Variants in EPOR observed in about 807,000 individuals in gnomAD.
EPOR encodes the protein erythropoietin receptor.
A neutral mutation model predicts 34.3 loss-of-function variants in EPOR; 20 were observed. The observed-to-expected ratio is 0.58, with a 90% confidence interval of 0.41 to 0.85. The LOEUF is 0.85. Ranked by LOEUF, EPOR falls within the 40% of genes least tolerant of loss-of-function variation. EPOR has a pLI of 0.00. For synonymous variants in EPOR, 312 were observed against 299.0 expected, an observed-to-expected ratio of 1.04 and a Z score of -0.45; for missense variants, 601 against 672.7, an observed-to-expected ratio of 0.89 and a Z score of 1.18.
At chr19:11,380,663 C>T (rs1166577172) in intron 6 of EPOR, among the ~76,000 whole-genome samples, 1 of 152,136 alleles carries the variant, frequency 6.6e-6, no homozygotes, top group African/African-American at 2.4e-5. Flanking sequence ...AATGGCAGCC[C>T]CTGATGTAGA....
chr19:11,380,012 C>T (rs1599417847), intron 6 of EPOR, among the ~76,000 whole-genome samples: 2 of 152,228 alleles, frequency 1.3e-5, no homozygotes, highest in Non-Finnish European at 2.9e-5. Context: ...TGCCATGTGG[C>T]AATTCTTGAA....
Position 11,381,341 on chromosome 19 carries a change from T to A in EPOR, c.586-132A>T. ...AGAATTGCAATGGGACCAATAAGAG[T>A]AGGGGGAGGAGCCCAAGAAAGCTCA... On this transcript the variant is annotated intron_variant, in intron 4 of 7. Coordinates refer to ENST00000222139, the MANE Select transcript of EPOR (RefSeq NM_000121.4). This position sits in a 1 kb window ranked among gnomAD's most constrained non-coding sequence, Gnocchi z 5.3. The A allele has an allele frequency of 1.0e-6, 1 of 990,486 alleles. No individual in the cohort carries two copies. Among genetic ancestry groups the A allele is most frequent in the Non-Finnish European group, 1.5e-6 (1 of 657,438 alleles). 61.4% of individuals were successfully genotyped at this position (990,486 alleles called of 1,614,324 possible). A position where few individuals can be genotyped will look rare whatever the true frequency, so the allele number is the denominator to read the frequency against.
In EPOR at chr19:11,383,229, G is replaced by A. The variant is rs780705663; in HGVS notation, c.119C>T (p.Ala40Val). 41 of 1,596,488 alleles carry A rather than the reference G, an allele frequency of 2.6e-5. No individual in the cohort carries two copies. Among genetic ancestry groups the A allele is most frequent in the Non-Finnish European group, 3.3e-5 (39 of 1,172,958 alleles). Residue 40 changes from alanine (A) to valine (V), a missense_variant, in exon 2 of 8, where the codon GCC becomes GTC. By Grantham distance (64) the Ala-to-Val change is moderately conservative. Transcript: ENST00000222139. This position sits in a 1 kb window ranked among gnomAD's most constrained non-coding sequence, Gnocchi z 4.9. ...TTCGGGCCCCCGGGCCGCCAGCAAG[G>A]CCGCTGGGGAGGGGCGACAAAGGAA... ...LPDPKFESKAALLAARGPEEL... is the reference protein window; with the variant it reads ...LPDPKFESKAVLLAARGPEEL...
chr19:11,377,935 C>T lies in EPOR; in HGVS notation c.*49G>A, dbSNP rs1167138077. 1.2e-6 allele frequency: 2 copies of T among 1,611,988 alleles called. No individual in the cohort carries two copies. Among genetic ancestry groups the T allele is most frequent in the Admixed American group, 3.3e-5 (2 of 60,016 alleles). ...CTGTTCCATAAGTCTTGAGTCTGCA[C>T]TGGTTCTCTGAGTCATATTGGATCC... is the stretch of plus-strand genomic sequence containing the variant. On this transcript the variant is annotated 3_prime_UTR_variant, in exon 8 of 8. Transcript: ENST00000222139.
In EPOR at chr19:11,381,963, G is replaced by C; in HGVS notation, c.394C>G (p.Arg132Gly). ...LRVTAASGAP[R>G]YHRVIHINEV... The stretch of plus-strand genomic sequence containing the variant: ...TTGATGTGGATGACACGGTGATATC[G>C]CGGAGCGCCGGAGGCTGCTGTGACG... Residue 132 changes from arginine (R) to glycine (G), a missense_variant, in exon 3 of 8, where the codon CGA becomes GGA. By Grantham distance (125) the Arg-to-Gly change is moderately radical. Coordinates refer to ENST00000222139, the MANE Select transcript of EPOR (RefSeq NM_000121.4). This position sits in a 1 kb window ranked among gnomAD's most constrained non-coding sequence, Gnocchi z 5.3. 1 of 1,614,220 alleles carries C rather than the reference G, an allele frequency of 6.2e-7. No homozygotes were observed. The highest frequency in any genetic ancestry group is 1.1e-5 in the South Asian group (1 of 91,086).
chr19:11,384,036 G>A (rs1340704444), intron 1 of EPOR, 57 bp downstream of exon 1: 2 of 1,190,106 alleles, frequency 1.7e-6, no homozygotes, highest in Non-Finnish European at 1.2e-6. Context: ...GGGAGTTCAG[G>A]CCCCAGCATG....
At position 11,383,029 on chromosome 19, in the gene EPOR, C is replaced by A. The variant is rs779647523; in HGVS notation, c.251+68G>T. 1.9e-6 allele frequency: 3 copies of A among 1,609,010 alleles called. No individual in the cohort carries two copies. Among genetic ancestry groups the A allele is most frequent in the African/African-American group, 1.3e-5 (1 of 74,900 alleles). On this transcript the variant is annotated intron_variant, in intron 2 of 7. Transcript: ENST00000222139. This position sits in a 1 kb window ranked among gnomAD's most constrained non-coding sequence, Gnocchi z 4.9. ...AAACAGCAGGGGACATACGAGGCTA[C>A]GACCTCCAGGGAGCTCTGCCCCACC...
intron 6 of EPOR, 75 bp downstream of exon 6, chr19:11,380,809 A>T (rs554358189): frequency 1.4e-4 from 168 of 1,229,522 alleles, no homozygotes; most frequent in Non-Finnish European, 1.8e-4. Context: ...TCTCTCTCTG[A>T]GCCTAGGTTT....
Position 11,377,265 on chromosome 19 carries a change from C to A in EPOR, c.*719G>T. On this transcript the variant is annotated 3_prime_UTR_variant, in exon 8 of 8. Transcript: ENST00000222139. ...CAGAGACTAGCTAGTGGCCCTTAAA[C>A]AGCTTTGCCCTTCCTGGGTGTACAG... 2.2e-6 allele frequency: 1 copy of A among 454,102 alleles called. No individual in the cohort carries two copies. The highest frequency in any genetic ancestry group is 4.4e-6 in the Non-Finnish European group (1 of 226,794). 28.1% of individuals were successfully genotyped at this position (454,102 alleles called of 1,614,324 possible).
chr19:11,384,250 C>T lies in EPOR; in HGVS notation c.-43G>A, dbSNP rs748327469. 66 of 1,304,424 alleles carry T rather than the reference C, an allele frequency of 5.1e-5. No individual in the cohort carries two copies. The African/African-American group carries it at 7.2e-4, about 14-fold the overall frequency. The allele number at this position is 1,304,424 out of a possible 1,614,324, so 80.8% of individuals were successfully genotyped here. A position where few individuals can be genotyped will look rare whatever the true frequency, so the allele number is the denominator to read the frequency against. Reference sequence around the variant, plus strand: ...GGGGAGCCCAGGGCTCCTGCCCCTCCGTCCCCCGCCCCCGGCACAGTCCAC... The same window carrying T: ...GGGGAGCCCAGGGCTCCTGCCCCTCTGTCCCCCGCCCCCGGCACAGTCCAC... On this transcript the variant is annotated 5_prime_UTR_variant, in exon 1 of 8. Coordinates refer to ENST00000222139, the MANE Select transcript of EPOR (RefSeq NM_000121.4).
At chr19:11,384,067 G>GCTGCA (rs2054950182) in intron 1 of EPOR, 26 bp downstream of exon 1, 2 of 1,412,580 alleles carry the variant, frequency 1.4e-6, no homozygotes, top group African/African-American at 2.8e-5. Flanking sequence ...CTCCAGCGTA[G>GCTGCA]GGGTCCACAC....
rs760437132 is a variant in EPOR, at chr19:11,378,225, A to C, written c.1286T>G (p.Leu429Arg). 2 of 1,614,154 alleles carry C rather than the reference A, an allele frequency of 1.2e-6. No homozygotes were observed. Among genetic ancestry groups the C allele is most frequent in the Non-Finnish European group, 1.7e-6 (2 of 1,180,024 alleles). Reference protein sequence around the residue: ...ASAASFEYTILDPSSQLLRPW... With the variant: ...ASAASFEYTIRDPSSQLLRPW... ...ACGCAAGAGCTGGGAGCTGGGGTCC[A>C]GGATAGTGTACTCAAAGCTGGCAGC... The change falls in exon 8 of 8, where the codon CTG becomes CGG. Residue 429 changes from leucine to arginine, a missense_variant. By Grantham distance (102) the Leu-to-Arg change is moderately radical (BLOSUM62 -2). Transcript: ENST00000222139. This position sits in a 1 kb window ranked among gnomAD's most constrained non-coding sequence, Gnocchi z 5.3.
Position 11,381,845 on chromosome 19 carries a change from G to T in EPOR, c.432C>A (p.Leu144=). The T allele has an allele frequency of 6.2e-7, 1 of 1,614,120 alleles. No homozygotes were observed. Among genetic ancestry groups the T allele is most frequent in the Non-Finnish European group, 8.5e-7 (1 of 1,179,978 alleles). The stretch of plus-strand genomic sequence containing the variant: ...CCACCAGCCCCACGGGGGCGTCTAG[G>T]AGCACTGCAGGCATGGGGGTTGGTC... ...HRVIHINEVV[L]LDAPVGLVAR... Residue 144 remains leucine (L), a synonymous_variant, in exon 4 of 8, where the codon CTC becomes CTA. Coordinates refer to ENST00000222139, the MANE Select transcript of EPOR (RefSeq NM_000121.4). This position sits in a 1 kb window ranked among gnomAD's most constrained non-coding sequence, Gnocchi z 5.3.
chr19:11,382,807 C>T (rs1475773157), intron 2 of EPOR: 3 of 1,394,664 alleles, frequency 2.2e-6, no homozygotes, highest in Admixed American at 4.5e-5. Context: ...TGGATACTAC[C>T]TCGAGAAGGC....
chr19:11,380,485 C>T (rs1338116265), intron 6 of EPOR, among the ~76,000 whole-genome samples: 1 of 152,222 alleles, frequency 6.6e-6, no homozygotes, highest in East Asian at 1.9e-4. Flanking sequence ...CTAGTGTGTG[C>T]TTGGAATTAC....
chr19:11,377,929 T>G lies in EPOR; in HGVS notation c.*55A>C, dbSNP rs2144693332. ...CCATCCCTGTTCCATAAGTCTTGAG[T>G]CTGCACTGGTTCTCTGAGTCATATT... On this transcript the variant is annotated 3_prime_UTR_variant, in exon 8 of 8. Transcript: ENST00000222139. 1 of 1,610,314 alleles carries G rather than the reference T, an allele frequency of 6.2e-7. No homozygotes were observed. The highest frequency in any genetic ancestry group is 1.7e-5 in the Admixed American group (1 of 60,000).
At position 11,378,440 on chromosome 19, in the gene EPOR, C is replaced by T; in HGVS notation, c.1071G>A (p.Glu357=). 1 of 1,614,158 alleles carries T rather than the reference C, an allele frequency of 6.2e-7. No individual in the cohort carries two copies. The highest frequency in any genetic ancestry group is 8.5e-7 in the Non-Finnish European group (1 of 1,180,020). ...PGTDDEGPLL[E]PVGSEHAQDT... is the part of the protein sequence containing the mutation. ...CCTGGGCATGCTCACTGCCCACTGG[C>T]TCCAGCAGGGGGCCCTCATCATCTG... Residue 357 remains glutamate (E), a synonymous_variant, in exon 8 of 8, where the codon GAG becomes GAA. Transcript: ENST00000222139. This position sits in a 1 kb window ranked among gnomAD's most constrained non-coding sequence, Gnocchi z 5.3.
rs1180105068 is a variant in EPOR at position 11,380,923 on chromosome 19, AG to A, written c.787del (p.Leu263TrpfsTer4). 6.4e-7 allele frequency: 1 copy of A among 1,551,864 alleles called. No homozygotes were observed. Among genetic ancestry groups the A allele is most frequent in the Non-Finnish European group, 8.7e-7 (1 of 1,147,090 alleles). On this transcript the variant is annotated frameshift_variant, in exon 6 of 8. Transcript: ENST00000222139. LOFTEE classifies it high-confidence loss of function. ...LTLSLILVVI[L>X]VLLTVLALLS... Reference sequence around the variant, plus strand: ...CAGCGCGAGCACGGTCAGCAGCACCAGGATGACCACGAGGATGAGGGAGAGC... The same window carrying A: ...CAGCGCGAGCACGGTCAGCAGCACCAGATGACCACGAGGATGAGGGAGAGC...
Position 11,378,642 on chromosome 19 carries a change from G to T in EPOR, c.916-47C>A. On this transcript the variant is annotated intron_variant, in intron 7 of 7. Transcript: ENST00000222139. This position sits in a 1 kb window ranked among gnomAD's most constrained non-coding sequence, Gnocchi z 5.3. Reference sequence around the variant, plus strand: ...GCTCAGAGAGGCCTGCAGTTTGGCTGCAAGAAGCAGGGAAGCCCAGGCACT... The same window carrying T: ...GCTCAGAGAGGCCTGCAGTTTGGCTTCAAGAAGCAGGGAAGCCCAGGCACT... The T allele has an allele frequency of 6.2e-7, 1 of 1,614,146 alleles. No homozygotes were observed. Among genetic ancestry groups the T allele is most frequent in the Non-Finnish European group, 8.5e-7 (1 of 1,179,998 alleles).
Sources: gnomAD v4.1 joint callset for allele counts (sites outside exome capture counted in the v4.1 genomes callset) on GRCh38, gnomAD v4.1.1 for gene constraint, Gnocchi (gnomAD v3.1) non-coding constraint, MANE v1.5 for transcripts, NCBI Gene and HGNC (gene_info 2026-07-23, HGNC 2026-07-21) for gene names.